PARP15: variants seen among roughly 807,000 people sequenced by gnomAD.
The protein encoded by PARP15 is poly(ADP-ribose) polymerase family member 15, also known as protein mono-ADP-ribosyltransferase PARP15.
PARP15 carries 50 observed loss-of-function variants against 62.1 expected under a neutral mutation model. That is an observed-to-expected ratio of 0.81 (90% CI 0.64 to 1.02). The LOEUF is 1.02. Ranked by LOEUF, PARP15 falls within the 50% of genes least tolerant of loss-of-function variation. The probability of loss-of-function intolerance (pLI) is 0.00; values close to 1 mark genes in which losing one functional copy is unlikely to be tolerated. For missense variants in PARP15, 820 were observed against 826.5 expected (o/e 0.99, Z 0.10); for synonymous variants, 309 against 293.1 (o/e 1.05, Z -0.55).
At chr3:122,584,303 C>G (rs1344661078) in intron 1 of PARP15, among the ~76,000 whole-genome samples, 3 of 152,086 alleles carry the variant, frequency 2.0e-5, no homozygotes, top group African/African-American at 7.2e-5. Context: ...TTATTTTCCA[C>G]TTAATTTAGG....
chr3:122,594,655 T>G (rs1934198417), intron 1 of PARP15: 1 of 915,006 alleles, frequency 1.1e-6, no homozygotes, highest in Middle Eastern at 5.6e-4. Context: ...TAATTTGTGG[T>G]TATCGCCTCT....
intron 6 of PARP15, among the ~76,000 whole-genome samples, chr3:122,617,572 G>A (rs73858323): frequency 0.068 from 10,362 of 151,812 alleles, 1,051 homozygotes; most frequent in African/African-American, 0.23. Flanking sequence ...ACTCACCTTC[G>A]GTAGCTCTTC....
At chr3:122,619,994 G>A (rs1258033443) in intron 7 of PARP15, 151 bp downstream of exon 7, 1 of 693,442 alleles carries the variant, frequency 1.4e-6, no homozygotes, top group Admixed American at 2.1e-5. Context: ...CAGAGGTGGT[G>A]GAACTTGGAG....
At chr3:122,597,242 G>T (rs1934425967) in intron 1 of PARP15, among the ~76,000 whole-genome samples, 2 of 152,070 alleles carry the variant, frequency 1.3e-5, no homozygotes, top group African/African-American at 4.8e-5. Context: ...CCACACTTAT[G>T]ACCTAATCAC....
At chr3:122,578,178 A>C (rs1406726445) in intron 1 of PARP15, among the ~76,000 whole-genome samples, 1 of 150,042 alleles carries the variant, frequency 6.7e-6, no homozygotes, top group African/African-American at 2.5e-5. Context: ...GAGTTTGCTT[A>C]TGGGGGGCTT....
intron 4 of PARP15, among the ~76,000 whole-genome samples, chr3:122,614,423 A>G (rs1935800205): frequency 6.6e-6 from 1 of 152,174 alleles, no homozygotes; most frequent in African/African-American, 2.4e-5. Flanking sequence ...GATGTTTCCC[A>G]GAGTTCCCCA....
chr3:122,599,136 A>G (rs1934589077), intron 1 of PARP15, among the ~76,000 whole-genome samples: 1 of 152,102 alleles, frequency 6.6e-6, no homozygotes, highest in East Asian at 1.9e-4. Context: ...ACCTCAGGTG[A>G]TCCACCCGCT....
At chr3:122,616,973 A>C (rs762843264) in intron 5 of PARP15, 42 bp from the exon 6 acceptor site, 1 of 1,601,314 alleles carries the variant, frequency 6.2e-7, no homozygotes, top group South Asian at 1.1e-5. Context: ...TTCCTCCAGA[A>C]GCTGAGCCAG....
chr3:122,577,747 C>T lies in PARP15; in HGVS notation c.80C>T (p.Ala27Val). The T allele has an allele frequency of 6.4e-7, 1 of 1,551,714 alleles. No individual in the cohort carries two copies. Among genetic ancestry groups the T allele is most frequent in the Non-Finnish European group, 8.7e-7 (1 of 1,146,978 alleles). ...PTPRELMHGV[A>V]GVTSRAGRDR... ...CCCAGAGAACTTATGCACGGAGTTG[C>T]AGGTGTTACTTCCAGAGCCGGACGA... is the stretch of plus-strand genomic sequence containing the variant. Residue 27 changes from alanine (A) to valine (V), a missense_variant, in exon 1 of 12, where the codon GCA becomes GTA. Physicochemically the swap from Ala to Val is moderately conservative, Grantham distance 64 (BLOSUM62 0). Coordinates refer to ENST00000464300, the MANE Select transcript of PARP15 (RefSeq NM_001113523.3).
intron 1 of PARP15, among the ~76,000 whole-genome samples, chr3:122,602,627 T>A (rs138741819): frequency 0.016 from 2,408 of 152,350 alleles, 67 homozygotes; most frequent in African/African-American, 0.053. Context: ...AATATTTTTG[T>A]CTATTATAAC....
intron 1 of PARP15, among the ~76,000 whole-genome samples, chr3:122,584,441 A>T (rs1307234600): frequency 6.6e-6 from 1 of 152,166 alleles, no homozygotes; most frequent in Non-Finnish European, 1.5e-5. Context: ...ATGTTAAGTC[A>T]TAGTTACCAT....
chr3:122,587,403 A>G (rs1016594772), intron 1 of PARP15, among the ~76,000 whole-genome samples: 3 of 152,248 alleles, frequency 2.0e-5, no homozygotes, highest in African/African-American at 7.2e-5. Flanking sequence ...ACCATTTTGC[A>G]TTCCCATCAA....
intron 8 of PARP15, among the ~76,000 whole-genome samples, chr3:122,626,196 C>CT (rs34106420): frequency 0.15 from 18,460 of 121,994 alleles, 2,019 homozygotes; most frequent in East Asian, 0.43. Context: ...AGCTGTCACT[C>CT]TTTTTTTTTT....
At chr3:122,584,628 CAATG>C (rs10602517) in intron 1 of PARP15, among the ~76,000 whole-genome samples, 53,023 of 145,964 alleles carry the variant, frequency 0.36, 10,028 homozygotes, top group Admixed American at 0.45. Flanking sequence ...AGCTGAAGTA[CAATG>C]AATGGCACAA....
intron 5 of PARP15, 85 bp from the exon 6 acceptor site, chr3:122,616,930 T>C: frequency 6.9e-7 from 1 of 1,451,372 alleles, no homozygotes; most frequent in Non-Finnish European, 9.4e-7. Flanking sequence ...AGGGCTGAGC[T>C]GGGAAGAGAA....
intron 1 of PARP15, among the ~76,000 whole-genome samples, chr3:122,584,499 C>A (rs6775568): frequency 0.37 from 55,787 of 150,844 alleles, 10,748 homozygotes; most frequent in Admixed American, 0.46. Flanking sequence ...CAAAGTTTTC[C>A]TAAGTAAGAT....
intron 1 of PARP15, among the ~76,000 whole-genome samples, chr3:122,594,148 G>A (rs1934158925): frequency 6.6e-6 from 1 of 152,110 alleles, no homozygotes; most frequent in Non-Finnish European, 1.5e-5. Flanking sequence ...TAACTGCTAT[G>A]TACATCCCCT....
chr3:122,625,553 A>G (rs971818753), intron 8 of PARP15, among the ~76,000 whole-genome samples: 8 of 152,032 alleles, frequency 5.3e-5, no homozygotes, highest in Admixed American at 1.3e-4. Flanking sequence ...TAGCCTGGAG[A>G]TAGGGTCTTT....
intron 1 of PARP15, among the ~76,000 whole-genome samples, chr3:122,579,790 C>T (rs560949160): frequency 1.3e-5 from 2 of 151,514 alleles, no homozygotes; most frequent in Admixed American, 6.6e-5. Context: ...ATCAGCCTGG[C>T]GAACATGGTG....
Sources: gnomAD v4.1 joint callset for allele counts (sites outside exome capture counted in the v4.1 genomes callset) on GRCh38, gnomAD v4.1.1 for gene constraint, MANE v1.5 for transcripts, NCBI Gene and HGNC (gene_info 2026-07-23, HGNC 2026-07-21) for gene names.